Variants in KCND2 observed in about 807,000 individuals in gnomAD.
The protein encoded by KCND2 is potassium voltage-gated channel subfamily D member 2.
A neutral mutation model predicts 54.4 loss-of-function variants in KCND2; 16 were observed. The observed-to-expected ratio is 0.29, with a 90% confidence interval of 0.20 to 0.45. KCND2 has a LOEUF of 0.45. KCND2 is among the 20% of genes least tolerant of loss of function. The pLI is 1.00. For missense variants in KCND2, 486 were observed against 824.2 expected, an observed-to-expected ratio of 0.59 and a Z score of 5.02; for synonymous variants, 317 against 310.7, an observed-to-expected ratio of 1.02 and a Z score of -0.21.
At chr7:120,420,457 A>G (rs1164302390) in intron 1 of KCND2, among the ~76,000 whole-genome samples, 3 of 152,198 alleles carry the variant, frequency 2.0e-5, no homozygotes, top group African/African-American at 7.2e-5. Context: ...AAGAAAAAAG[A>G]AAGAGCTTGG....
At chr7:120,537,377 A>G (rs1791925547) in intron 1 of KCND2, among the ~76,000 whole-genome samples, 1 of 152,218 alleles carries the variant, frequency 6.6e-6, no homozygotes, top group South Asian at 2.1e-4. Flanking sequence ...TCTAGAGCAC[A>G]GGCAGGCTGG....
intron 1 of KCND2, among the ~76,000 whole-genome samples, chr7:120,470,431 G>T (rs961944609): frequency 3.3e-5 from 5 of 151,878 alleles, no homozygotes; most frequent in African/African-American, 1.2e-4. Flanking sequence ...TCTCATCTAG[G>T]TGAGCTAGTA....
At chr7:120,551,310 A>G (rs1792102574) in intron 1 of KCND2, among the ~76,000 whole-genome samples, 2 of 152,214 alleles carry the variant, frequency 1.3e-5, no homozygotes, top group Admixed American at 6.5e-5. Flanking sequence ...AACCCCTCAT[A>G]GTGAGCAGCT....
intron 1 of KCND2, among the ~76,000 whole-genome samples, chr7:120,710,652 T>C (rs1792525931): frequency 6.6e-6 from 1 of 152,128 alleles, no homozygotes; most frequent in African/African-American, 2.4e-5. Flanking sequence ...AGTTTGGAAT[T>C]GTCCTGGCCT....
At chr7:120,343,947 TAA>T (rs1800277057) in intron 1 of KCND2, among the ~76,000 whole-genome samples, 1 of 152,124 alleles carries the variant, frequency 6.6e-6, no homozygotes, top group African/African-American at 2.4e-5. Context: ...GATAGATCCA[TAA>T]AGTCTTTACG....
chr7:120,741,402 A>G, intron 2 of KCND2, 132 bp from the exon 3 acceptor site: 2 of 693,954 alleles, frequency 2.9e-6, no homozygotes, highest in South Asian at 1.6e-5. Flanking sequence ...GTAATTTTCA[A>G]TAGTTGCATT....
rs188780267 is a variant in KCND2 at position 120,582,843 on chromosome 7, A to G, written c.1116-150060A>G. Among the ~76,000 whole-genome samples, 12 of 151,470 alleles carry G rather than the reference A, an allele frequency of 7.9e-5. No individual in the cohort carries two copies. In the East Asian group the frequency reaches 2.3e-3, roughly 29 times the overall value. On this transcript the variant is annotated intron_variant, in intron 1 of 5. Coordinates refer to ENST00000331113, the MANE Select transcript of KCND2 (RefSeq NM_012281.3). ...TATATTTTTCTTCCTTTCCAGTCTC[A>G]TTTTTAGCTACTACACACCTATAGA...
intron 1 of KCND2, among the ~76,000 whole-genome samples, chr7:120,547,061 A>G (rs900690377): frequency 6.6e-6 from 1 of 152,026 alleles, no homozygotes; most frequent in African/African-American, 2.4e-5. Context: ...ATTGTAAACT[A>G]TAAACACTGG....
Position 120,492,062 on chromosome 7 carries a change from A to G in KCND2, c.1115+216315A>G, listed in dbSNP as rs143187640. 1.0e-3 allele frequency among the ~76,000 whole-genome samples: 156 copies of G among 152,210 alleles called. 1 individual carries two copies. Among genetic ancestry groups the G allele is most frequent in the African/African-American group, 3.7e-3 (153 of 41,544 alleles). On this transcript the variant is annotated intron_variant, in intron 1 of 5. Transcript: ENST00000331113. ...CTTGTATAAGCTGATACCGGACATC[A>G]GTGTTTGCCTGACCGTGCTATTTCA...
intron 1 of KCND2, among the ~76,000 whole-genome samples, chr7:120,589,845 A>G (rs1584843015): frequency 6.6e-6 from 1 of 152,158 alleles, no homozygotes; most frequent in Non-Finnish European, 1.5e-5. Context: ...TAGTGCTAAC[A>G]TCATAATGTT....
intron 1 of KCND2, among the ~76,000 whole-genome samples, chr7:120,436,214 A>G (rs1801863571): frequency 6.6e-6 from 1 of 152,220 alleles, no homozygotes; most frequent in Non-Finnish European, 1.5e-5. Context: ...AAGAATAAGA[A>G]GAATATTTAA....
intron 1 of KCND2, among the ~76,000 whole-genome samples, chr7:120,595,573 A>G (rs948032967): frequency 4.8e-4 from 48 of 99,976 alleles, no homozygotes; most frequent in Non-Finnish European, 6.2e-4. Context: ...ATGTGTGTGT[A>G]TATATATGTG....
intron 1 of KCND2, among the ~76,000 whole-genome samples, chr7:120,452,553 C>G (rs145371012): frequency 1.8e-4 from 27 of 152,232 alleles, no homozygotes; most frequent in Middle Eastern, 3.4e-3. Flanking sequence ...CTACTGAGCA[C>G]CAGGACCTGT....
At chr7:120,291,488 C>A (rs1251099932) in intron 1 of KCND2, among the ~76,000 whole-genome samples, 1 of 151,782 alleles carries the variant, frequency 6.6e-6, no homozygotes, top group African/African-American at 2.4e-5. Context: ...TTAGCAGAAA[C>A]AAACAAATAT....
chr7:120,446,678 G>C (rs1802023374), intron 1 of KCND2, among the ~76,000 whole-genome samples: 1 of 152,144 alleles, frequency 6.6e-6, no homozygotes, highest in Non-Finnish European at 1.5e-5. Context: ...CACTAAATGA[G>C]TGCATATTTC....
At chr7:120,367,042 G>T (rs1329515198) in intron 1 of KCND2, among the ~76,000 whole-genome samples, 1 of 152,060 alleles carries the variant, frequency 6.6e-6, no homozygotes, top group Non-Finnish European at 1.5e-5. Flanking sequence ...GTATCTAAGG[G>T]GGTGTAGGTT....
intron 1 of KCND2, among the ~76,000 whole-genome samples, chr7:120,335,653 T>G (rs929959729): frequency 6.6e-6 from 1 of 151,682 alleles, no homozygotes; most frequent in South Asian, 2.1e-4. Flanking sequence ...GCCTGGCTAA[T>G]TTTTTGTATT....
At chr7:120,701,240 TAAAAAAAAAAAAAAAAAAAAA>T (rs34803439) in intron 1 of KCND2, among the ~76,000 whole-genome samples, 1 of 55,142 alleles carries the variant, frequency 1.8e-5, no homozygotes, top group Admixed American at 2.5e-4. Context: ...AATGCCTAGC[TAAAAAAAAAAAAAAAAAAAAA>T]AAAAAAAAAA....
At chr7:120,531,496 A>G (rs1032711659) in intron 1 of KCND2, among the ~76,000 whole-genome samples, 2 of 151,366 alleles carry the variant, frequency 1.3e-5, no homozygotes, top group Non-Finnish European at 2.9e-5. Context: ...TTTCTGTAAC[A>G]CTCCCCATCT....
Sources: allele counts gnomAD v4.1 joint callset (sites outside exome capture counted in the v4.1 genomes callset), GRCh38; gene constraint gnomAD v4.1.1; transcripts MANE v1.5; gene names NCBI Gene and HGNC (gene_info 2026-07-23, HGNC 2026-07-21).